RABL2A: variants seen among roughly 807,000 people sequenced by gnomAD.
RABL2A encodes RAB, member of RAS oncogene family like 2A, also known as rab-like protein 2A.
A neutral mutation model predicts 30.7 loss-of-function variants in RABL2A; 17 were observed. The observed-to-expected ratio is 0.55, with a 90% CI of 0.38 to 0.83. The LOEUF (loss-of-function observed/expected upper bound fraction) is 0.83. Ranked by LOEUF, RABL2A falls within the 40% of genes least tolerant of loss-of-function variation. The pLI is 0.00. For synonymous variants in RABL2A, 64 were observed against 101.8 expected (o/e 0.63, Z 2.24); for missense variants, 155 against 272.6 (o/e 0.57, Z 3.04).
chr2:113,635,124 C>T lies in RABL2A; in HGVS notation c.291C>T (p.Cys97=). 1 of 1,614,164 alleles carries T rather than the reference C, an allele frequency of 6.2e-7. No homozygotes were observed. Among genetic ancestry groups the T allele is most frequent in the Non-Finnish European group, 8.5e-7 (1 of 1,180,010 alleles). Residue 97 remains cysteine (C), a synonymous_variant, in exon 5 of 9, where the codon TGC becomes TGT. Coordinates refer to ENST00000683472, the MANE Select transcript of RABL2A (RefSeq NM_001306158.2). ...HASYYHKAHA[C]IMVFDIQRKV... The stretch of plus-strand genomic sequence containing the variant: ...CCTACTACCACAAGGCCCATGCCTG[C>T]ATCATGGTACGAGACGGTGGGGAGG...
chr2:113,632,864 C>T, intron 2 of RABL2A, 51 bp from the exon 3 acceptor site: 2 of 1,614,086 alleles, frequency 1.2e-6, no homozygotes, highest in Non-Finnish European at 1.7e-6. Flanking sequence ...AAGTCTGGGA[C>T]AAGGGAGAGA....
At chr2:113,634,017 T>C (rs1681485562) in intron 3 of RABL2A, 136 bp from the exon 4 acceptor site, 3 of 1,441,276 alleles carry the variant, frequency 2.1e-6, no homozygotes, top group Non-Finnish European at 2.8e-6. Context: ...GTCTGCAACA[T>C]TCATTTGATT....
chr2:113,640,818 G>T (rs1358037765), intron 5 of RABL2A, 76 bp from the exon 6 acceptor site: 17 of 1,594,958 alleles, frequency 1.1e-5, no homozygotes, highest in Non-Finnish European at 1.5e-5. Flanking sequence ...ACCTGCTTGG[G>T]TGTGTGAGTC....
chr2:113,636,801 A>G (rs1682922199), intron 5 of RABL2A, among the ~76,000 whole-genome samples: 1 of 152,082 alleles, frequency 6.6e-6, no homozygotes, highest in Non-Finnish European at 1.5e-5. Flanking sequence ...ATCCTGGCTA[A>G]CACAGTGAAA....
intron 5 of RABL2A, among the ~76,000 whole-genome samples, chr2:113,636,943 C>G (rs793072): frequency 0.19 from 28,108 of 150,436 alleles, 3,702 homozygotes; most frequent in African/African-American, 0.36. Flanking sequence ...GAGCCGAGAT[C>G]GCGCCACTGC....
Position 113,643,276 on chromosome 2 carries a change from A to G in RABL2A, c.*1147A>G, listed in dbSNP as rs1341293692. On this transcript the variant is annotated 3_prime_UTR_variant, in exon 9 of 9. Coordinates refer to ENST00000683472, the MANE Select transcript of RABL2A (RefSeq NM_001306158.2). ...ATATGCCTGTTCACCCCTCTCTGGT[A>G]CTTGTGGCTTGCTAGTATGTTTTTA... is the stretch of plus-strand genomic sequence containing the variant. 2.9e-6 allele frequency: 1 copy of G among 345,158 alleles called. No homozygotes were observed. The highest frequency in any genetic ancestry group is 5.7e-6 in the Non-Finnish European group (1 of 176,080). 21.4% of individuals were successfully genotyped at this position (345,158 alleles called of 1,614,324 possible). A position where few individuals can be genotyped will look rare whatever the true frequency, so the allele number is the denominator to read the frequency against.
chr2:113,643,341 G>A lies in RABL2A; in HGVS notation c.*1212G>A. On this transcript the variant is annotated 3_prime_UTR_variant, in exon 9 of 9. Transcript: ENST00000683472. Reference sequence around the variant, plus strand: ...ATTGTTTGCATTGTGTTTATTAATAGGGTTTTGTTTTTATTGTTTCCTTTT... The same window carrying A: ...ATTGTTTGCATTGTGTTTATTAATAAGGTTTTGTTTTTATTGTTTCCTTTT... 1.2e-5 allele frequency: 4 copies of A among 343,854 alleles called. No individual in the cohort carries two copies. Among genetic ancestry groups the A allele is most frequent in the South Asian group, 8.8e-5 (4 of 45,578 alleles). 21.3% of individuals were successfully genotyped at this position (343,854 alleles called of 1,614,324 possible).
chr2:113,636,721 G>A (rs1370434684), intron 5 of RABL2A, among the ~76,000 whole-genome samples: 1 of 152,156 alleles, frequency 6.6e-6, no homozygotes, highest in East Asian at 1.9e-4. Context: ...GGGTGCGGTG[G>A]CTCACGCCTG....
intron 6 of RABL2A, 104 bp downstream of exon 6, chr2:113,641,109 C>T: frequency 5.3e-6 from 6 of 1,136,494 alleles, no homozygotes; most frequent in South Asian, 3.0e-5. Context: ...GATTGGTCCT[C>T]CCTCCCACGA....
chr2:113,642,045 G>A lies in RABL2A; in HGVS notation c.606G>A (p.Glu202=). Residue 202 remains glutamate, a synonymous_variant, in exon 9 of 9, where the codon GAG becomes GAA. Coordinates refer to ENST00000683472, the MANE Select transcript of RABL2A (RefSeq NM_001306158.2). ...IFQELENFSL[E]QEEEDVPDQE... ...CTTGTTCACAGAACTTCAGCTTGGA[G>A]CAGGAAGAGGAGGACGTGCCAGACC... 6.2e-7 allele frequency: 1 copy of A among 1,612,768 alleles called. No homozygotes were observed. Among genetic ancestry groups the A allele is most frequent in the Non-Finnish European group, 8.5e-7 (1 of 1,179,714 alleles).
chr2:113,642,869 G>A lies in RABL2A; in HGVS notation c.*740G>A, dbSNP rs944197826. On this transcript the variant is annotated 3_prime_UTR_variant, in exon 9 of 9. Coordinates refer to ENST00000683472, the MANE Select transcript of RABL2A (RefSeq NM_001306158.2). Reference sequence around the variant, plus strand: ...TCTCGATCTCCTCACCTCGTGATCCGCCCGCCTCGGCCTCCCAAAGTGCTG... The same window carrying A: ...TCTCGATCTCCTCACCTCGTGATCCACCCGCCTCGGCCTCCCAAAGTGCTG... 100 of 274,900 alleles carry A rather than the reference G, an allele frequency of 3.6e-4. No homozygotes were observed. Among genetic ancestry groups the A allele is most frequent in the African/African-American group, 1.9e-3 (81 of 42,324 alleles). 17.0% of individuals were successfully genotyped at this position (274,900 alleles called of 1,614,324 possible).
Position 113,634,159 on chromosome 2 carries a change from A to G in RABL2A, c.144A>G (p.Pro48=), listed in dbSNP as rs1450336157. ...CTCCTTAACCTGAGTGCAGTCAGCC[A>G]CAGCAGCTGTCCACGTACGCCCTGA... ...MERFLMDGFQ[P]QQLSTYALTL... Residue 48 remains proline, a synonymous_variant, in exon 4 of 9, where the codon CCA becomes CCG. Coordinates refer to ENST00000683472, the MANE Select transcript of RABL2A (RefSeq NM_001306158.2). 7 of 1,611,424 alleles carry G rather than the reference A, an allele frequency of 4.3e-6. No homozygotes were observed. In the South Asian group the frequency reaches 6.6e-5, roughly 15 times the overall value.
chr2:113,629,439 G>A (rs1479512206), intron 2 of RABL2A, among the ~76,000 whole-genome samples: 1 of 151,942 alleles, frequency 6.6e-6, no homozygotes, highest in Non-Finnish European at 1.5e-5. Context: ...TGGGGGCTTT[G>A]CTGGTTTTTA....
intron 5 of RABL2A, chr2:113,637,388 C>A: frequency 9.6e-7 from 1 of 1,040,660 alleles, no homozygotes; most frequent in Non-Finnish European, 1.2e-6. Context: ...CACCACTGAT[C>A]CCTTCCACAA....
intron 5 of RABL2A, chr2:113,638,591 G>A (rs1683851551): frequency 1.3e-5 from 13 of 979,796 alleles, no homozygotes; most frequent in African/African-American, 1.8e-5. Flanking sequence ...AAACAGGCTG[G>A]GCGCGGTGAC....
intron 2 of RABL2A, 140 bp from the exon 3 acceptor site, chr2:113,632,775 C>T: frequency 1.7e-6 from 2 of 1,195,540 alleles, no homozygotes; most frequent in Non-Finnish European, 2.5e-6. Flanking sequence ...CAGACTTGAC[C>T]CGGAAGCTGT....
intron 2 of RABL2A, among the ~76,000 whole-genome samples, chr2:113,631,164 G>A (rs551610436): frequency 6.6e-6 from 1 of 151,736 alleles, no homozygotes; most frequent in Admixed American, 6.6e-5. Context: ...CAAAGCGCTG[G>A]GATTACAGGT....
At position 113,642,187 on chromosome 2, in the gene RABL2A, C is replaced by A. The variant is rs1574146391; in HGVS notation, c.*58C>A. On this transcript the variant is annotated 3_prime_UTR_variant, in exon 9 of 9. Transcript: ENST00000683472. Reference sequence around the variant, plus strand: ...TAAAATACCCTTCCCTTCAACAACTCTCCAGCTCTGAATGGAGAAACTCTC... The same window carrying A: ...TAAAATACCCTTCCCTTCAACAACTATCCAGCTCTGAATGGAGAAACTCTC... 1.1e-5 allele frequency: 17 copies of A among 1,512,244 alleles called. No homozygotes were observed. In the East Asian group the frequency reaches 3.8e-4, roughly 34 times the overall value. 93.7% of individuals were successfully genotyped at this position (1,512,244 alleles called of 1,614,324 possible).
chr2:113,632,384 C>G (rs1020532811), intron 2 of RABL2A, among the ~76,000 whole-genome samples: 3 of 152,120 alleles, frequency 2.0e-5, no homozygotes, highest in African/African-American at 7.2e-5. Flanking sequence ...CTCTCAATAA[C>G]CAATAGATTA....
Sources: gnomAD v4.1 joint callset for allele counts (sites outside exome capture counted in the v4.1 genomes callset) on GRCh38, gnomAD v4.1.1 for gene constraint, MANE v1.5 for transcripts, NCBI Gene and HGNC (gene_info 2026-07-23, HGNC 2026-07-21) for gene names.